The following CKAP5 variants were observed in gnomAD, a reference collection of about 807,000 sequenced individuals.
CKAP5 encodes cytoskeleton associated protein 5.
In CKAP5, 27 loss-of-function variants were observed where a neutral mutation model predicts 232.8. The ratio of observed to expected loss-of-function variants is 0.12; its 90% CI spans 0.09 to 0.16. The LOEUF is 0.16. Ranked by LOEUF, CKAP5 falls within the 10% of genes least tolerant of loss-of-function variation. The probability of loss-of-function intolerance (pLI) is 1.00; values close to 1 mark genes in which losing one functional copy is unlikely to be tolerated. For missense variants in CKAP5, 1,838 were observed against 2,424.7 expected (o/e 0.76, Z 5.08); for synonymous variants, 785 against 841.1 (o/e 0.93, Z 1.16).
In CKAP5 at chr11:46,784,653, A is replaced by G. The variant is rs2065375461; in HGVS notation, c.1989T>C (p.His663=). The G allele has an allele frequency of 4.3e-6, 7 of 1,613,916 alleles. No homozygotes were observed. Among genetic ancestry groups the G allele is most frequent in the South Asian group, 1.1e-5 (1 of 91,072 alleles). ...TNFQVMQMKL[H]IVALIAQKGN... is the part of the protein sequence containing the mutation. ...CCTTCTGGGCAATCAAAGCAACTATATGAAGCTTCATTTGCATCACCTGAA... is the reference window on the plus strand; with the variant it reads ...CCTTCTGGGCAATCAAAGCAACTATGTGAAGCTTCATTTGCATCACCTGAA... The change falls in exon 17 of 44, where the codon CAT becomes CAC. Residue 663 remains histidine, a synonymous_variant. Coordinates refer to ENST00000529230, the MANE Select transcript of CKAP5 (RefSeq NM_001008938.4).
chr11:46,818,324 G>C lies in CKAP5; in HGVS notation c.237C>G (p.Ala79=), dbSNP rs1461936914. The change falls in exon 3 of 44, where the codon GCC becomes GCG. Residue 79 remains alanine, a synonymous_variant. Transcript: ENST00000529230. ...AAAGTACTTACTTTCCTGCTACATGGGCATTTTCAACATAAACAAGTGCAG... is the reference window on the plus strand; with the variant it reads ...AAAGTACTTACTTTCCTGCTACATGCGCATTTTCAACATAAACAAGTGCAG... ...LEAALVYVEN[A]HVAGKTTGEV... The C allele has an allele frequency of 1.9e-6, 3 of 1,587,170 alleles. No individual in the cohort carries two copies. Among genetic ancestry groups the C allele is most frequent in the Non-Finnish European group, 2.6e-6 (3 of 1,170,188 alleles).
chr11:46,768,236 A>G (rs995346083), intron 26 of CKAP5, among the ~76,000 whole-genome samples: 5 of 151,778 alleles, frequency 3.3e-5, no homozygotes, highest in Admixed American at 6.6e-5. Context: ...TGTCACACAG[A>G]CTAGAGTGCA....
rs767135382 is a variant in CKAP5 at position 46,762,098 on chromosome 11, T to C, written c.4123A>G (p.Ile1375Val). The C allele has an allele frequency of 6.2e-7, 1 of 1,614,206 alleles. No homozygotes were observed. Among genetic ancestry groups the C allele is most frequent in the Non-Finnish European group, 8.5e-7 (1 of 1,180,030 alleles). Residue 1375 changes from isoleucine to valine, a missense_variant, in exon 32 of 44, where the codon ATA (isoleucine) becomes GTA (valine). Physicochemically the swap from Ile to Val is conservative, Grantham distance 29. Coordinates refer to ENST00000529230, the MANE Select transcript of CKAP5 (RefSeq NM_001008938.4). ...CGTACAGCATTGTCACGGTCTCCTA[T>C]GTGAACAGCTATTTCCTTTAAGGCT... ...GKALKEIAVH[I>V]GDRDNAVRNA...
chr11:46,788,535 T>C (rs1227571739), intron 16 of CKAP5, 146 bp downstream of exon 16: 8 of 542,940 alleles, frequency 1.5e-5, no homozygotes, highest in Admixed American at 1.3e-4. Flanking sequence ...GGTCGTGCCA[T>C]TGCACTCCAG....
chr11:46,780,188 T>G lies in CKAP5; in HGVS notation c.2433+6A>C. The G allele has an allele frequency of 6.2e-7, 1 of 1,613,974 alleles. No homozygotes were observed. The highest frequency in any genetic ancestry group is 8.5e-7 in the Non-Finnish European group (1 of 1,179,928). On this transcript the variant is annotated splice_donor_region_variant and intron_variant, in intron 20 of 43. Coordinates refer to ENST00000529230, the MANE Select transcript of CKAP5 (RefSeq NM_001008938.4). Reference sequence around the variant, plus strand: ...TAACAGATTGTATCATTTGTGGAAATTCTACCTTCTCAAATTCTGCATCTA... The same window carrying G: ...TAACAGATTGTATCATTTGTGGAAAGTCTACCTTCTCAAATTCTGCATCTA...
chr11:46,821,227 C>T lies in CKAP5; in HGVS notation c.5G>A (p.Gly2Glu). The T allele has an allele frequency of 6.2e-7, 1 of 1,611,732 alleles. No homozygotes were observed. Among genetic ancestry groups the T allele is most frequent in the Non-Finnish European group, 8.5e-7 (1 of 1,177,940 alleles). Reference sequence around the variant, plus strand: ...CAGTTTCAACCACTCACTGTCATCTCCCATTGTGCTTCCAGGTTTTCCTTA... The same window carrying T: ...CAGTTTCAACCACTCACTGTCATCTTCCATTGTGCTTCCAGGTTTTCCTTA... M[G>E]DDSEWLKLPV... The change falls in exon 2 of 44, where the codon GGA (glycine) becomes GAA (glutamate). Residue 2 changes from glycine to glutamate, a missense_variant. By Grantham distance (98) the Gly-to-Glu change is moderately conservative. Around this residue, in one of 6 missense-constraint regions of CKAP5, gnomAD observed 285 missense variants for 300.0 expected, o/e 0.95. Coordinates refer to ENST00000529230, the MANE Select transcript of CKAP5 (RefSeq NM_001008938.4).
intron 16 of CKAP5, among the ~76,000 whole-genome samples, chr11:46,786,581 T>C (rs561251109): frequency 6.6e-6 from 1 of 152,316 alleles, no homozygotes; most frequent in South Asian, 2.1e-4. Flanking sequence ...AAGTCCATAA[T>C]ACCAGCTGGG....
At chr11:46,842,107 C>CTTA in intron 1 of CKAP5, among the ~76,000 whole-genome samples, 1 of 151,910 alleles carries the variant, frequency 6.6e-6, no homozygotes, top group Non-Finnish European at 1.5e-5. Flanking sequence ...CCCGCTAGAC[C>CTTA]AAGCTCAGCT....
intron 31 of CKAP5, 24 bp from the exon 32 acceptor site, chr11:46,762,217 T>G (rs1446058167): frequency 8.7e-6 from 14 of 1,604,178 alleles, no homozygotes; most frequent in Non-Finnish European, 1.2e-5. Context: ...AAGGCTAGAT[T>G]AATGAGACAA....
intron 9 of CKAP5, among the ~76,000 whole-genome samples, chr11:46,800,893 A>C (rs1939013263): frequency 6.6e-6 from 1 of 152,188 alleles, no homozygotes. Context: ...TATGATGTGT[A>C]TAATGTTGTA....
intron 8 of CKAP5, chr11:46,802,105 G>A (rs1939043730): frequency 6.6e-6 from 1 of 152,154 alleles, no homozygotes. Flanking sequence ...GCATTCTTCT[G>A]AGAACCATTC....
In CKAP5 at chr11:46,798,125, C is replaced by T; in HGVS notation, c.1131G>A (p.Val377=). The T allele has an allele frequency of 6.2e-7, 1 of 1,614,100 alleles. No individual in the cohort carries two copies. Among genetic ancestry groups the T allele is most frequent in the Non-Finnish European group, 8.5e-7 (1 of 1,180,000 alleles). Reference sequence around the variant, plus strand: ...CAATTGCCTCCTGCAGGGCTTGTACCACTTGAGGTTTCTTCTCTTTGAATT... The same window carrying T: ...CAATTGCCTCCTGCAGGGCTTGTACTACTTGAGGTTTCTTCTCTTTGAATT... ...LEKFKEKKPQ[V]VQALQEAIDA... The change falls in exon 10 of 44, where the codon GTG becomes GTA. Residue 377 remains valine, a synonymous_variant. Transcript: ENST00000529230.
intron 20 of CKAP5, among the ~76,000 whole-genome samples, chr11:46,779,063 A>C (rs2134620608): frequency 6.6e-6 from 1 of 152,298 alleles, no homozygotes; most frequent in Non-Finnish European, 1.5e-5. Context: ...CTGGGCAACA[A>C]GAGTGAAACT....
chr11:46,817,093 C>A (rs1274576699), intron 3 of CKAP5, among the ~76,000 whole-genome samples: 3 of 144,414 alleles, frequency 2.1e-5, no homozygotes, highest in African/African-American at 7.7e-5. Context: ...GCAACAAGTA[C>A]GAAACTGTGT....
intron 1 of CKAP5, among the ~76,000 whole-genome samples, chr11:46,837,970 G>T (rs181430373): frequency 6.6e-5 from 10 of 151,996 alleles, no homozygotes; most frequent in Non-Finnish European, 5.9e-5. Context: ...TAGAAAAGGA[G>T]GGGAAAAAAA....
In CKAP5 at chr11:46,784,494, A is replaced by C. The variant is rs1191169746; in HGVS notation, c.2148T>G (p.Ala716=). 1.7e-5 allele frequency: 28 copies of C among 1,613,360 alleles called. No homozygotes were observed. In the East Asian group the frequency reaches 5.8e-4, roughly 33 times the overall value. Residue 716 remains alanine (A), a synonymous_variant, in exon 17 of 44, where the codon GCT becomes GCG. Transcript: ENST00000529230. ...AGACTTCTGTGTCACTAACCTGTTC[A>C]GCAGTCCATGGTAACATACAGGCTT... ...IAEACMLPWT[A]EQVVSMAFSQ...
chr11:46,796,051 G>C (rs1052724210), intron 12 of CKAP5, among the ~76,000 whole-genome samples: 5 of 151,532 alleles, frequency 3.3e-5, no homozygotes, highest in African/African-American at 1.2e-4. Flanking sequence ...TGTAATCCCA[G>C]CTACTTGGGA....
At chr11:46,784,440 G>A in intron 17 of CKAP5, 48 bp downstream of exon 17, 2 of 1,457,428 alleles carry the variant, frequency 1.4e-6, no homozygotes, top group Non-Finnish European at 1.9e-6. Flanking sequence ...TAAAGTTTGG[G>A]GGAAAAAATT....
In CKAP5 at chr11:46,765,264, C is replaced by G; in HGVS notation, c.3412-8G>C. 6.2e-7 allele frequency: 1 copy of G among 1,605,022 alleles called. No homozygotes were observed. Among genetic ancestry groups the G allele is most frequent in the South Asian group, 1.1e-5 (1 of 89,418 alleles). On this transcript the variant is annotated splice_polypyrimidine_tract_variant and splice_region_variant and intron_variant, in intron 27 of 43. Transcript: ENST00000529230. Reference sequence around the variant, plus strand: ...CTTCTTCCCTTGTGCACTCTACAACCAAGGTTCAGGGAATACTGATTAGCT... The same window carrying G: ...CTTCTTCCCTTGTGCACTCTACAACGAAGGTTCAGGGAATACTGATTAGCT...
Sources: allele counts gnomAD v4.1 joint callset (sites outside exome capture counted in the v4.1 genomes callset), GRCh38; gene constraint gnomAD v4.1.1; regional missense constraint gnomAD v4.1.1; transcripts MANE v1.5; gene names NCBI Gene and HGNC (gene_info 2026-07-23, HGNC 2026-07-21).